The following CPQ variants were observed in gnomAD, a reference collection of about 807,000 sequenced individuals.
CPQ encodes Ser-Met dipeptidase.
Under a neutral mutation model 45.7 loss-of-function variants are expected in CPQ, and 37 were observed. That is an observed-to-expected ratio of 0.81 (90% CI 0.62 to 1.07). The LOEUF is 1.07. Among genes scored for constraint, CPQ ranks in the 50% least tolerant of loss-of-function variants. The pLI, the probability that CPQ is intolerant of heterozygous loss-of-function variation, is 0.00. For missense variants in CPQ, 537 were observed against 572.9 expected, an observed-to-expected ratio of 0.94 and a Z score of 0.64; for synonymous variants, 186 against 205.8, an observed-to-expected ratio of 0.90 and a Z score of 0.82.
intron 3 of CPQ, among the ~76,000 whole-genome samples, chr8:96,857,665 T>G (rs948734970): frequency 5.3e-5 from 8 of 152,220 alleles, no homozygotes; most frequent in African/African-American, 1.9e-4. Context: ...AAATATTTAT[T>G]ACCTGCTTCC....
intron 7 of CPQ, among the ~76,000 whole-genome samples, chr8:97,113,712 C>T (rs917618881): frequency 4.6e-5 from 7 of 152,254 alleles, no homozygotes; most frequent in East Asian, 1.9e-4. Context: ...TCAGTTAGAG[C>T]GCAACAAATG....
intron 3 of CPQ, among the ~76,000 whole-genome samples, chr8:96,838,833 T>A (rs1811567030): frequency 6.6e-6 from 1 of 152,162 alleles, no homozygotes; most frequent in Admixed American, 6.6e-5. Flanking sequence ...CCGAACTATG[T>A]AACCCATGTA....
At chr8:96,725,948 T>A (rs987040170) in intron 1 of CPQ, among the ~76,000 whole-genome samples, 4 of 152,154 alleles carry the variant, frequency 2.6e-5, no homozygotes, top group African/African-American at 9.7e-5. Flanking sequence ...GCAACATGGA[T>A]GCAGCTGGAG....
Position 96,879,998 on chromosome 8 carries a change from C to T in CPQ, c.842C>T (p.Pro281Leu). Residue 281 changes from proline (P) to leucine (L), a missense_variant, in exon 4 of 8, where the codon CCA becomes CTA. By Grantham distance (98) the Pro-to-Leu change is moderately conservative. Coordinates refer to ENST00000220763, the MANE Select transcript of CPQ (RefSeq NM_016134.4). ...TVAEITGSKYPEQVVLVSGHL... is the reference protein window; with the variant it reads ...TVAEITGSKYLEQVVLVSGHL... ...GCAGAGATCACTGGGAGCAAATATC[C>T]AGAACAGGTGAGTGAAGGAGAAGGC... 1 of 1,613,230 alleles carries T rather than the reference C, an allele frequency of 6.2e-7. No individual in the cohort carries two copies. Among genetic ancestry groups the T allele is most frequent in the Non-Finnish European group, 8.5e-7 (1 of 1,179,278 alleles).
chr8:96,947,762 C>A (rs1286468612), intron 4 of CPQ, among the ~76,000 whole-genome samples: 1 of 152,106 alleles, frequency 6.6e-6, no homozygotes, highest in African/African-American at 2.4e-5. Context: ...AGAAGCATTT[C>A]CCCTTAACCT....
At chr8:96,869,828 A>C (rs540120135) in intron 3 of CPQ, among the ~76,000 whole-genome samples, 2 of 152,182 alleles carry the variant, frequency 1.3e-5, no homozygotes, top group African/African-American at 4.8e-5. Context: ...TAAATGGTAA[A>C]GTTAGCCTGA....
intron 2 of CPQ, among the ~76,000 whole-genome samples, chr8:96,819,545 C>A (rs938438433): frequency 6.6e-6 from 1 of 152,054 alleles, no homozygotes; most frequent in Non-Finnish European, 1.5e-5. Context: ...GTTTGATGAG[C>A]AGAATGAGCA....
chr8:96,741,781 G>A (rs1343001862), intron 1 of CPQ, among the ~76,000 whole-genome samples: 27 of 150,964 alleles, frequency 1.8e-4, no homozygotes, highest in Admixed American at 1.2e-3. Flanking sequence ...GTAGTTGAGC[G>A]GTTTTGAGTG....
At chr8:96,660,892 G>A (rs1215635787) in intron 1 of CPQ, among the ~76,000 whole-genome samples, 1 of 151,962 alleles carries the variant, frequency 6.6e-6, no homozygotes, top group East Asian at 1.9e-4. Flanking sequence ...AGATAATCCT[G>A]CAATACTTTG....
intron 3 of CPQ, among the ~76,000 whole-genome samples, chr8:96,879,057 G>C (rs1240924588): frequency 6.6e-6 from 1 of 152,240 alleles, no homozygotes; most frequent in Non-Finnish European, 1.5e-5. Context: ...TAGATACAGA[G>C]GTTGAATCAA....
At chr8:96,672,231 C>T (rs924785839) in intron 1 of CPQ, among the ~76,000 whole-genome samples, 5 of 152,212 alleles carry the variant, frequency 3.3e-5, no homozygotes, top group African/African-American at 1.2e-4. Context: ...CCCATTGTAC[C>T]ACTCCAAAAC....
At chr8:97,132,573 G>A (rs1811975209) in intron 7 of CPQ, among the ~76,000 whole-genome samples, 1 of 152,124 alleles carries the variant, frequency 6.6e-6, no homozygotes, top group African/African-American at 2.4e-5. Context: ...TAACCTCCTT[G>A]TGTTTGTAGC....
At chr8:97,110,053 G>T (rs945781192) in intron 7 of CPQ, among the ~76,000 whole-genome samples, 2 of 152,096 alleles carry the variant, frequency 1.3e-5, no homozygotes, top group Non-Finnish European at 2.9e-5. Flanking sequence ...GGATAATTAT[G>T]TAACCTGGGT....
chr8:96,755,186 A>G (rs1343051018), intron 1 of CPQ, among the ~76,000 whole-genome samples: 3 of 151,954 alleles, frequency 2.0e-5, no homozygotes, highest in Non-Finnish European at 2.9e-5. Context: ...CTTTATGCAC[A>G]TTGTACAAAA....
At chr8:96,995,936 T>C (rs1489323029) in intron 5 of CPQ, among the ~76,000 whole-genome samples, 2 of 151,886 alleles carry the variant, frequency 1.3e-5, no homozygotes, top group Non-Finnish European at 2.9e-5. Context: ...AGAGAAGGTA[T>C]TCAGAGTAGA....
chr8:97,014,481 T>A (rs1017519963), intron 5 of CPQ, among the ~76,000 whole-genome samples: 3 of 151,786 alleles, frequency 2.0e-5, no homozygotes, highest in Admixed American at 2.0e-4. Flanking sequence ...CAAAGCCCCA[T>A]CTCTACTAAA....
At chr8:97,117,609 TAC>T (rs2130601941) in intron 7 of CPQ, among the ~76,000 whole-genome samples, 1 of 152,280 alleles carries the variant, frequency 6.6e-6, no homozygotes, top group African/African-American at 2.4e-5. Flanking sequence ...CACATCTCAT[TAC>T]AGTCTCCACC....
At chr8:97,109,392 T>C (rs1811463233) in intron 7 of CPQ, among the ~76,000 whole-genome samples, 1 of 152,174 alleles carries the variant, frequency 6.6e-6, no homozygotes, top group Admixed American at 6.5e-5. Context: ...GTTCTACCTT[T>C]CACTGAAGGT....
intron 4 of CPQ, among the ~76,000 whole-genome samples, chr8:96,942,653 A>G (rs1258748903): frequency 6.6e-6 from 1 of 152,206 alleles, no homozygotes; most frequent in African/African-American, 2.4e-5. Context: ...TATACCATCC[A>G]TTATAATCAT....
Sources: allele counts gnomAD v4.1 joint callset (sites outside exome capture counted in the v4.1 genomes callset), GRCh38; gene constraint gnomAD v4.1.1; transcripts MANE v1.5; gene names NCBI Gene and HGNC (gene_info 2026-07-23, HGNC 2026-07-21).